The following CACNA1H variants were observed in gnomAD, a reference collection of about 807,000 sequenced individuals.
CACNA1H encodes the protein voltage-dependent T-type calcium channel subunit alpha-1H.
Under a neutral mutation model 192.5 loss-of-function variants are expected in CACNA1H, and 149 were observed. The observed-to-expected ratio is 0.77, with a 90% CI of 0.68 to 0.89. The LOEUF (loss-of-function observed/expected upper bound fraction) is 0.89, where lower values mean the gene tolerates loss of function less well. CACNA1H is among the 40% of genes least tolerant of loss of function. CACNA1H has a pLI of 0.00. For missense variants in CACNA1H, 4,257 were observed against 3,423.5 expected, an observed-to-expected ratio of 1.24 and a Z score of -6.08; for synonymous variants, 2,202 against 1,475.2, an observed-to-expected ratio of 1.49 and a Z score of -11.29.
At chr16:1,196,821 G>A (rs1967035477) in intron 5 of CACNA1H, among the ~76,000 whole-genome samples, 3 of 152,176 alleles carry the variant, frequency 2.0e-5, no homozygotes, top group Non-Finnish European at 4.4e-5. Context: ...AGGGGATGGG[G>A]TGGGATCGTT....
At chr16:1,195,406 G>T (rs1206969569) in intron 3 of CACNA1H, 26 bp from the exon 4 acceptor site, 12 of 1,550,384 alleles carry the variant, frequency 7.7e-6, no homozygotes, top group Admixed American at 3.9e-5. Flanking sequence ...CTGTTCCACG[G>T]GCCCTCCTGA....
chr16:1,192,707 A>G (rs1293665851), intron 2 of CACNA1H, among the ~76,000 whole-genome samples: 1 of 152,156 alleles, frequency 6.6e-6, no homozygotes, highest in Non-Finnish European at 1.5e-5. Context: ...CCTCTGCTCC[A>G]GCCTGGACAT....
At chr16:1,199,880 C>T (rs75140332) in intron 6 of CACNA1H, among the ~76,000 whole-genome samples, 1 of 152,082 alleles carries the variant, frequency 6.6e-6, no homozygotes, top group Non-Finnish European at 1.5e-5. Flanking sequence ...CCAGGAGTTG[C>T]TGAGGTCTGA....
rs371492223 is a variant in CACNA1H at position 1,207,104 on chromosome 16, G to A, written c.2893G>A (p.Val965Ile). ...KNFDSLLWAI[V>I]TVFQILTQED... ...CTTCGACTCCCTGCTGTGGGCCATC[G>A]TCACCGTGTTCCAGGTAGTGCCCGG... The change falls in exon 13 of 35, where the codon GTC becomes ATC. Residue 965 changes from valine to isoleucine, a missense_variant. By Grantham distance (29) the Val-to-Ile change is conservative. Coordinates refer to ENST00000348261, the MANE Select transcript of CACNA1H (RefSeq NM_021098.3). 22 of 1,593,178 alleles carry A rather than the reference G, an allele frequency of 1.4e-5. No individual in the cohort carries two copies. The highest frequency in any genetic ancestry group is 9.4e-5 in the African/African-American group (7 of 74,410).
intron 30 of CACNA1H, 136 bp from the exon 31 acceptor site, chr16:1,216,796 C>T: frequency 3.3e-6 from 2 of 604,582 alleles, no homozygotes; most frequent in Non-Finnish European, 5.5e-6. Flanking sequence ...AACTTGCTTC[C>T]ACTTGGCCGG....
rs190223642 is a variant in CACNA1H at position 1,208,283 on chromosome 16, A to G, written c.3363+62A>G. On this transcript the variant is annotated intron_variant, in intron 16 of 34. Coordinates refer to ENST00000348261, the MANE Select transcript of CACNA1H (RefSeq NM_021098.3). ...TCAGGTTTTCCCTGCCTGGCTCCTT[A>G]TGGCCTTCCCTGAAGATGAGTGAGG... 1.4e-4 allele frequency: 175 copies of G among 1,220,042 alleles called. No homozygotes were observed. In the African/African-American group the frequency reaches 1.9e-3, roughly 13 times the overall value. The allele number at this position is 1,220,042 out of a possible 1,614,324, so 75.6% of individuals were successfully genotyped here. A position where few individuals can be genotyped will look rare whatever the true frequency, so the allele number is the denominator to read the frequency against.
intron 2 of CACNA1H, among the ~76,000 whole-genome samples, chr16:1,172,295 T>C (rs1472727130): frequency 2.0e-5 from 3 of 152,146 alleles, no homozygotes; most frequent in African/African-American, 7.2e-5. Context: ...ACCGCAGCCT[T>C]GCCTGTTGAG....
chr16:1,167,010 C>T lies in CACNA1H; in HGVS notation c.299+12974C>T, dbSNP rs947813306. On this transcript the variant is annotated intron_variant, in intron 2 of 34. Coordinates refer to ENST00000348261, the MANE Select transcript of CACNA1H (RefSeq NM_021098.3). The surrounding 1 kb of genome is among the most constrained non-coding windows in gnomAD (Gnocchi z 4.2). ...GGAATGGCCAGGCTGTTTTCCAAAG[C>T]GGTGCCCACCTGTTGACCCACCTCT... 1.3e-5 allele frequency among the ~76,000 whole-genome samples: 2 copies of T among 152,208 alleles called. No homozygotes were observed. Among genetic ancestry groups the T allele is most frequent in the African/African-American group, 2.4e-5 (1 of 41,444 alleles).
chr16:1,202,363 G>T lies in CACNA1H; in HGVS notation c.1913G>T (p.Gly638Val), dbSNP rs771036445. ...CCCGGACCCAAGGGGAAGTGGGCCG[G>T]TGGACCGCCAGGCACCGGGGGGCAC... is the stretch of plus-strand genomic sequence containing the variant. ...TSPGPKGKWA[G>V]GPPGTGGHGP... The change falls in exon 9 of 35, where the codon GGT becomes GTT. Residue 638 changes from glycine (G) to valine (V), a missense_variant. By Grantham distance (109) the Gly-to-Val change is moderately radical (BLOSUM62 -3). Coordinates refer to ENST00000348261, the MANE Select transcript of CACNA1H (RefSeq NM_021098.3). 2 of 1,563,264 alleles carry T rather than the reference G, an allele frequency of 1.3e-6. No homozygotes were observed. Among genetic ancestry groups the T allele is most frequent in the Admixed American group, 3.8e-5 (2 of 52,798 alleles).
intron 2 of CACNA1H, chr16:1,159,789 C>G (rs771691772): frequency 1.3e-5 from 2 of 152,244 alleles, no homozygotes; most frequent in Admixed American, 6.5e-5. Context: ...GCTGCCAGCC[C>G]CTGAAGGAAG....
intron 2 of CACNA1H, among the ~76,000 whole-genome samples, chr16:1,160,756 C>T (rs1335252812): frequency 1.3e-5 from 2 of 152,196 alleles, no homozygotes; most frequent in African/African-American, 4.8e-5. Flanking sequence ...CTCCTTTGTC[C>T]TCTTGCTGCC....
intron 2 of CACNA1H, among the ~76,000 whole-genome samples, chr16:1,164,254 C>T (rs1963522454): frequency 2.0e-5 from 3 of 152,172 alleles, no homozygotes; most frequent in Non-Finnish European, 4.4e-5. Flanking sequence ...GCGGCAGTGT[C>T]GTCAGTTGCA....
At position 1,198,794 on chromosome 16, in the gene CACNA1H, G is replaced by GT. The variant is rs766501427; in HGVS notation, c.803+21dup. The GT allele has an allele frequency of 1.9e-6, 3 of 1,594,786 alleles. No individual in the cohort carries two copies. In the African/African-American group the frequency reaches 4.1e-5, roughly 22 times the overall value. On this transcript the variant is annotated intron_variant, in intron 6 of 34. Transcript: ENST00000348261. ...TGTCAGGTGCCCAGGCCCCACCCCC[G>GT]TGAGGCCCCTGCCCAGATGGCCCTG...
At chr16:1,183,766 A>C (rs142454053) in intron 2 of CACNA1H, among the ~76,000 whole-genome samples, 263 of 152,362 alleles carry the variant, frequency 1.7e-3, no homozygotes, top group South Asian at 3.5e-3. Flanking sequence ...GCACATGCGT[A>C]TACACGGGTG....
Position 1,211,773 on chromosome 16 carries a change from G to C in CACNA1H, c.4534G>C (p.Asp1512His), listed in dbSNP as rs200709671. ...GGATGGATGGGTGAACATCATGTAC[G>C]ACGGGCTGGATGCCGTGGGTGTCGA... ...SKDGWVNIMY[D>H]GLDAVGVDQQ... The change falls in exon 24 of 35, where the codon GAC (aspartate) becomes CAC (histidine). Residue 1512 changes from aspartate (D) to histidine (H), a missense_variant. Physicochemically the swap from Asp to His is moderately conservative, Grantham distance 81 (BLOSUM62 -1). Coordinates refer to ENST00000348261, the MANE Select transcript of CACNA1H (RefSeq NM_021098.3). The C allele has an allele frequency of 6.2e-7, 1 of 1,612,598 alleles. No homozygotes were observed. Among genetic ancestry groups the C allele is most frequent in the Non-Finnish European group, 8.5e-7 (1 of 1,179,742 alleles).
intron 2 of CACNA1H, among the ~76,000 whole-genome samples, chr16:1,169,409 C>G (rs1225575032): frequency 1.3e-5 from 2 of 152,284 alleles, no homozygotes; most frequent in East Asian, 1.9e-4. Flanking sequence ...GGTTGGGCCC[C>G]GAGAGGGTGG....
In CACNA1H at chr16:1,218,462, C is replaced by G. The variant is rs1418469761; in HGVS notation, c.5698C>G (p.Pro1900Ala). 1.3e-6 allele frequency: 2 copies of G among 1,551,498 alleles called. No homozygotes were observed. The highest frequency in any genetic ancestry group is 1.7e-6 in the Non-Finnish European group (2 of 1,147,876). Residue 1900 changes from proline (P) to alanine (A), a missense_variant, in exon 33 of 35, where the codon CCC becomes GCC. Pro to Ala is a conservative substitution (Grantham distance 27). Transcript: ENST00000348261. ...ACGCCGGGTGGACGCGGACAGGCCT[C>G]CCTTGCCCCAGGAGAGTCCGGGCGC... is the stretch of plus-strand genomic sequence containing the variant. ...SARRVDADRPPLPQESPGARD... is the reference protein window; with the variant it reads ...SARRVDADRPALPQESPGARD...
chr16:1,176,496 C>T lies in CACNA1H; in HGVS notation c.300-18476C>T, dbSNP rs184497486. On this transcript the variant is annotated intron_variant, in intron 2 of 34. Coordinates refer to ENST00000348261, the MANE Select transcript of CACNA1H (RefSeq NM_021098.3). ...AGGTGGGCATGGCAATGACCTGTGGCTCGGGCTGAGGAGGCCTGGGGCCAG... is the reference window on the plus strand; with the variant it reads ...AGGTGGGCATGGCAATGACCTGTGGTTCGGGCTGAGGAGGCCTGGGGCCAG... 6.6e-5 allele frequency among the ~76,000 whole-genome samples: 10 copies of T among 152,312 alleles called. No individual in the cohort carries two copies. In the South Asian group the frequency reaches 1.0e-3, roughly 16 times the overall value.
chr16:1,178,511 C>T (rs1965143126), intron 2 of CACNA1H, among the ~76,000 whole-genome samples: 1 of 152,112 alleles, frequency 6.6e-6, no homozygotes, highest in Admixed American at 6.5e-5. Flanking sequence ...GACACAGATG[C>T]AGAGGGGTGA....
Sources: allele counts gnomAD v4.1 joint callset (sites outside exome capture counted in the v4.1 genomes callset), GRCh38; gene constraint gnomAD v4.1.1; non-coding constraint Gnocchi (gnomAD v3.1); transcripts MANE v1.5; gene names NCBI Gene and HGNC (gene_info 2026-07-23, HGNC 2026-07-21).